Variants in ACSM3 observed in about 807,000 individuals in gnomAD.
The protein encoded by ACSM3 is acyl-CoA synthetase medium chain family member 3.
A neutral mutation model predicts 74.1 loss-of-function variants in ACSM3; 61 were observed. The observed-to-expected ratio is 0.82, with a 90% CI of 0.67 to 1.02. The LOEUF (loss-of-function observed/expected upper bound fraction) is 1.02. Among genes scored for constraint, ACSM3 ranks in the 50% least tolerant of loss-of-function variants. The pLI, the probability that ACSM3 is intolerant of heterozygous loss-of-function variation, is 0.00. For missense variants in ACSM3, 660 were observed against 697.0 expected, an observed-to-expected ratio of 0.95 and a Z score of 0.60; for synonymous variants, 213 against 241.5, an observed-to-expected ratio of 0.88 and a Z score of 1.09.
intron 2 of ACSM3, among the ~76,000 whole-genome samples, chr16:20,774,382 C>G (rs2080230066): frequency 6.6e-6 from 1 of 151,994 alleles, no homozygotes; most frequent in Non-Finnish European, 1.5e-5. Context: ...GCTGGGACTA[C>G]AAGGTGCACG....
In ACSM3 at chr16:20,790,639, G is replaced by A; in HGVS notation, c.1277G>A (p.Gly426Asp). 6.2e-7 allele frequency: 1 copy of A among 1,614,068 alleles called. No individual in the cohort carries two copies. The highest frequency in any genetic ancestry group is 8.5e-7 in the Non-Finnish European group (1 of 1,179,982). Residue 426 changes from glycine (G) to aspartate (D), a missense_variant, in exon 10 of 14, where the codon GGC becomes GAC. By Grantham distance (94) the Gly-to-Asp change is moderately conservative. Transcript: ENST00000289416. The surrounding 1 kb of genome is among the most constrained non-coding windows in gnomAD (Gnocchi z 4.0). ...CCTCCTGGACAAGAAGGAGATATTG[G>A]CATTCAAGTTCTACCCAACCGACCA... ...VLPPGQEGDI[G>D]IQVLPNRPFG...
At chr16:20,791,054 T>C in intron 10 of ACSM3, 3 of 961,318 alleles carry the variant, frequency 3.1e-6, no homozygotes, top group Non-Finnish European at 3.1e-6. Flanking sequence ...GGACAGGGGA[T>C]GCGGGGGTGG....
At chr16:20,700,315 C>T (rs2079709691) in intron 1 of ACSM3, among the ~76,000 whole-genome samples, 1 of 152,154 alleles carries the variant, frequency 6.6e-6, no homozygotes, top group South Asian at 2.1e-4. Flanking sequence ...GATAGAAAGG[C>T]AAAAGCCAAT....
At chr16:20,762,556 A>G (rs367582162), upstream of ACSM3, among the ~76,000 whole-genome samples, 10 of 152,318 alleles carry the variant, frequency 6.6e-5, no homozygotes, top group African/African-American at 2.2e-4. Context: ...GCAATACAGA[A>G]AAAGAAATAT....
At chr16:20,728,810 T>C (rs1164750687) in intron 1 of ACSM3, among the ~76,000 whole-genome samples, 1 of 149,326 alleles carries the variant, frequency 6.7e-6, no homozygotes, top group Non-Finnish European at 1.5e-5. Flanking sequence ...CTACCTTTTT[T>C]AAAAAATTAA....
chr16:20,750,310 A>G (rs930361046), intron 2 of ACSM3, among the ~76,000 whole-genome samples: 11 of 152,166 alleles, frequency 7.2e-5, no homozygotes, highest in Admixed American at 3.9e-4. Flanking sequence ...GATGCTTACC[A>G]AAGTATTTCT....
intron 1 of ACSM3, among the ~76,000 whole-genome samples, chr16:20,742,809 ATATATT>A (rs1304393755): frequency 0.069 from 6,437 of 93,246 alleles, 189 homozygotes; most frequent in African/African-American, 0.12. Flanking sequence ...ATATATATAT[ATATATT>A]TTTTTTTTTT....
chr16:20,774,265 C>T (rs234283), intron 2 of ACSM3, among the ~76,000 whole-genome samples: 10,374 of 119,970 alleles, frequency 0.086, 424 homozygotes, highest in East Asian at 0.16. Flanking sequence ...TTTTTTGAGA[C>T]AGCGTCTCAC....
intron 1 of ACSM3, among the ~76,000 whole-genome samples, chr16:20,743,043 C>A (rs998347986): frequency 6.6e-6 from 1 of 151,256 alleles, no homozygotes; most frequent in African/African-American, 2.4e-5. Flanking sequence ...CAGGTTCACC[C>A]CATTCTCCTG....
chr16:20,687,506 C>G (rs2079574657), intron 1 of ACSM3, among the ~76,000 whole-genome samples: 1 of 152,072 alleles, frequency 6.6e-6, no homozygotes, highest in African/African-American at 2.4e-5. Context: ...CTCTTCAAGA[C>G]TGAGAGAGGG....
At chr16:20,775,408 A>G (rs940547060) in intron 2 of ACSM3, among the ~76,000 whole-genome samples, 1 of 152,096 alleles carries the variant, frequency 6.6e-6, no homozygotes, top group African/African-American at 2.4e-5. Flanking sequence ...GTGGGACTTC[A>G]GGCATCTGTG....
At chr16:20,768,370 T>C (rs1374892394) in intron 1 of ACSM3, among the ~76,000 whole-genome samples, 1 of 152,198 alleles carries the variant, frequency 6.6e-6, no homozygotes, top group Non-Finnish European at 1.5e-5. Context: ...CACACTTGAA[T>C]GTACATACCA....
chr16:20,792,202 C>A (rs1450073730), intron 11 of ACSM3, 34 bp from the exon 12 acceptor site: 2 of 1,613,914 alleles, frequency 1.2e-6, no homozygotes, highest in Non-Finnish European at 1.7e-6. Context: ...ACCTGCCACT[C>A]ACCTGTATGT....
At chr16:20,751,720 G>T (rs749350097) in intron 2 of ACSM3, among the ~76,000 whole-genome samples, 1 of 152,098 alleles carries the variant, frequency 6.6e-6, no homozygotes, top group Non-Finnish European at 1.5e-5. Flanking sequence ...GAAAGATGGG[G>T]TTTCATTACA....
chr16:20,682,872 A>C (rs876106), intron 1 of ACSM3, among the ~76,000 whole-genome samples: 18,356 of 151,974 alleles, frequency 0.12, 1,229 homozygotes, highest in East Asian at 0.21. Context: ...CCTTTCTGTC[A>C]TTCCTTGGAT....
At chr16:20,688,245 T>C (rs189191283) in intron 1 of ACSM3, among the ~76,000 whole-genome samples, 2 of 152,220 alleles carry the variant, frequency 1.3e-5, no homozygotes, top group Non-Finnish European at 2.9e-5. Context: ...TTAAAATTAC[T>C]GAATCTGAGA....
At chr16:20,687,256 C>A (rs1337520389) in intron 1 of ACSM3, among the ~76,000 whole-genome samples, 1 of 151,940 alleles carries the variant, frequency 6.6e-6, no homozygotes, top group South Asian at 2.1e-4. Flanking sequence ...AAACATCAGA[C>A]CTGCAGGCAC....
intron 1 of ACSM3, chr16:20,719,124 C>T (rs895380880): frequency 2.6e-5 from 4 of 154,108 alleles, no homozygotes; most frequent in Non-Finnish European, 5.9e-5. Flanking sequence ...TTCTCTGCAG[C>T]CCTTAAGGTT....
chr16:20,690,879 A>C, intron 1 of ACSM3: 1 of 963,760 alleles, frequency 1.0e-6, no homozygotes, highest in African/African-American at 1.7e-5. Context: ...TTCTTCCACA[A>C]CACTGATAAG....
Sources: gnomAD v4.1 joint callset for allele counts (sites outside exome capture counted in the v4.1 genomes callset) on GRCh38, gnomAD v4.1.1 for gene constraint, Gnocchi (gnomAD v3.1) non-coding constraint, MANE v1.5 for transcripts, NCBI Gene and HGNC (gene_info 2026-07-23, HGNC 2026-07-21) for gene names.